The following BBS7 variants were observed in gnomAD, a reference collection of about 807,000 sequenced individuals.
The protein encoded by BBS7 is Bardet-Biedl syndrome 7, also known as BBSome complex member BBS7.
BBS7 carries 50 observed loss-of-function variants against 90.3 expected under a neutral mutation model. That is an observed-to-expected ratio of 0.55 (90% confidence interval 0.44 to 0.70). The LOEUF (loss-of-function observed/expected upper bound fraction) is 0.70. Ranked by LOEUF, BBS7 falls within the 30% of genes least tolerant of loss-of-function variation. The pLI is 0.00. For missense variants in BBS7, 729 were observed against 838.9 expected (o/e 0.87, Z 1.62); for synonymous variants, 235 against 287.4 (o/e 0.82, Z 1.85).
chr4:121,825,742 A>G lies in BBS7; in HGVS notation c.*118T>C. The G allele has an allele frequency of 1.0e-6, 1 of 989,222 alleles. No homozygotes were observed. Among genetic ancestry groups the G allele is most frequent in the Non-Finnish European group, 1.4e-6 (1 of 697,010 alleles). 61.3% of individuals were successfully genotyped at this position (989,222 alleles called of 1,614,324 possible). ...TTTAAAAAGCCATTATATCTCAAAT[A>G]TTTTTAGATATAAAAAAGCATTTGA... On this transcript the variant is annotated 3_prime_UTR_variant, in exon 19 of 19. Coordinates refer to ENST00000264499, the MANE Select transcript of BBS7 (RefSeq NM_176824.3).
intron 10 of BBS7, 84 bp from the exon 11 acceptor site, chr4:121,845,780 T>G (rs1303014564): frequency 7.5e-7 from 1 of 1,325,238 alleles, no homozygotes; most frequent in African/African-American, 1.5e-5. Flanking sequence ...TTGAGACATT[T>G]GCTTTTACAA....
At chr4:121,841,419 G>C (rs1443555966) in intron 12 of BBS7, among the ~76,000 whole-genome samples, 1 of 152,028 alleles carries the variant, frequency 6.6e-6, no homozygotes, top group Admixed American at 6.6e-5. Context: ...AAAAAAATTA[G>C]CTGGGCATCA....
intron 15 of BBS7, among the ~76,000 whole-genome samples, chr4:121,831,460 CT>C (rs1725178101): frequency 6.8e-6 from 1 of 148,018 alleles, no homozygotes; most frequent in African/African-American, 2.5e-5. Context: ...GTGAGACTCT[CT>C]TAAAAAAAAA....
intron 11 of BBS7, among the ~76,000 whole-genome samples, chr4:121,844,503 G>A (rs1396711341): frequency 5.3e-5 from 8 of 149,842 alleles, no homozygotes; most frequent in Non-Finnish European, 1.0e-4. Context: ...CCGTGAGCTA[G>A]CATTACTTAA....
intron 11 of BBS7, among the ~76,000 whole-genome samples, chr4:121,844,251 C>T (rs1296612264): frequency 3.3e-5 from 5 of 152,174 alleles, no homozygotes; most frequent in Admixed American, 1.3e-4. Context: ...TAACATCTCT[C>T]ACCACCCCCT....
chr4:121,830,262 G>A (rs962021849), intron 15 of BBS7, among the ~76,000 whole-genome samples: 4 of 152,100 alleles, frequency 2.6e-5, no homozygotes, highest in South Asian at 2.1e-4. Flanking sequence ...TTAGCCAGGC[G>A]TGGTAGCACA....
chr4:121,826,943 C>CACTG (rs1425984026), intron 18 of BBS7, among the ~76,000 whole-genome samples: 3 of 152,198 alleles, frequency 2.0e-5, no homozygotes, highest in Non-Finnish European at 1.5e-5. Flanking sequence ...GAGATCGCGC[C>CACTG]ACTGACTCCA....
chr4:121,849,792 T>C (rs951939839), intron 8 of BBS7, among the ~76,000 whole-genome samples: 4 of 152,080 alleles, frequency 2.6e-5, no homozygotes, highest in Non-Finnish European at 5.9e-5. Flanking sequence ...ATCGTCCCAC[T>C]GTACTCCAGT....
Position 121,861,567 on chromosome 4 carries a change from A to G in BBS7, c.278T>C (p.Phe93Ser), listed in dbSNP as rs1342324257. 6.2e-7 allele frequency: 1 copy of G among 1,613,676 alleles called. No individual in the cohort carries two copies. Among genetic ancestry groups the G allele is most frequent in the African/African-American group, 1.3e-5 (1 of 74,886 alleles). ...FIAAASEIRG[F>S]TKRGKQFLSF... ...GAGGAACTGTTTTCCTCTTTTTGTG[A>G]AGCCTCTAATCTCAGATGCTGCAGC... Residue 93 changes from phenylalanine (F) to serine (S), a missense_variant, in exon 4 of 19, where the codon TTC (phenylalanine) becomes TCC (serine). By Grantham distance (155) the Phe-to-Ser change is radical. Transcript: ENST00000264499.
chr4:121,863,337 T>C, intron 2 of BBS7, 58 bp from the exon 3 acceptor site: 1 of 1,381,742 alleles, frequency 7.2e-7, no homozygotes, highest in South Asian at 1.2e-5. Context: ...ACCTAATAAT[T>C]ATATACAGGG....
intron 15 of BBS7, among the ~76,000 whole-genome samples, chr4:121,829,771 A>C (rs1218416330): frequency 6.6e-6 from 1 of 152,202 alleles, no homozygotes; most frequent in Non-Finnish European, 1.5e-5. Context: ...ATAGCAGCTG[A>C]AAATATGTAA....
chr4:121,853,685 A>G (rs1389496157), intron 7 of BBS7, among the ~76,000 whole-genome samples: 2 of 152,106 alleles, frequency 1.3e-5, no homozygotes, highest in African/African-American at 4.8e-5. Context: ...CCATGCTTCC[A>G]GTTTTGACCT....
intron 15 of BBS7, among the ~76,000 whole-genome samples, chr4:121,830,721 C>T (rs941347656): frequency 2.6e-5 from 4 of 152,318 alleles, no homozygotes; most frequent in Admixed American, 2.6e-4. Context: ...AACATTAGTA[C>T]ATCTGCCTCC....
chr4:121,863,241 A>G lies in BBS7; in HGVS notation c.141T>C (p.Phe47=). The G allele has an allele frequency of 1.2e-6, 2 of 1,613,966 alleles. No homozygotes were observed. The highest frequency in any genetic ancestry group is 8.5e-7 in the Non-Finnish European group (1 of 1,179,916). The change falls in exon 3 of 19, where the codon TTT becomes TTC. Residue 47 remains phenylalanine, a synonymous_variant. Transcript: ENST00000264499. ...IGDHDGVVMC[F]GMKKGEAAAV... is the part of the protein sequence containing the mutation. ...CTGCTGCTTCTCCTTTCTTCATGCC[A>G]AAGCACATAACTACCCCATCATGAT... is the stretch of plus-strand genomic sequence containing the variant.
intron 4 of BBS7, among the ~76,000 whole-genome samples, chr4:121,860,385 A>G (rs1726909385): frequency 6.6e-6 from 1 of 152,122 alleles, no homozygotes; most frequent in Non-Finnish European, 1.5e-5. Flanking sequence ...TCTTCAAGTT[A>G]TAACTTTTGT....
At chr4:121,863,347 G>A (rs1233844600) in intron 2 of BBS7, 68 bp from the exon 3 acceptor site, 44 of 1,327,810 alleles carry the variant, frequency 3.3e-5, no homozygotes, top group East Asian at 1.6e-4. Context: ...TATATACAGG[G>A]AAAGCAAGAT....
chr4:121,836,485 TTG>T (rs1301792925), intron 13 of BBS7, among the ~76,000 whole-genome samples: 1 of 152,210 alleles, frequency 6.6e-6, no homozygotes, highest in Non-Finnish European at 1.5e-5. Flanking sequence ...TATCAGCATT[TTG>T]TGTGTTTTAT....
rs751574060 is a variant in BBS7, at chr4:121,844,005, T to A, written c.1231-4A>T. On this transcript the variant is annotated splice_region_variant and splice_polypyrimidine_tract_variant and intron_variant, in intron 11 of 18. Transcript: ENST00000264499. ...GTAAATCTATTGGAACATCACTCTA[T>A]AGTCAATATTAAAAAAAAAGAAGGT... 2.6e-6 allele frequency: 4 copies of A among 1,561,622 alleles called. No individual in the cohort carries two copies. Among genetic ancestry groups the A allele is most frequent in the Non-Finnish European group, 2.6e-6 (3 of 1,142,288 alleles).
intron 3 of BBS7, among the ~76,000 whole-genome samples, chr4:121,862,279 T>TATTC (rs1727024065): frequency 6.6e-6 from 1 of 152,174 alleles, no homozygotes; most frequent in Non-Finnish European, 1.5e-5. Context: ...CTGAAAACAA[T>TATTC]ATTCATTTCA....
Sources: allele counts gnomAD v4.1 joint callset (sites outside exome capture counted in the v4.1 genomes callset), GRCh38; gene constraint gnomAD v4.1.1; transcripts MANE v1.5; gene names NCBI Gene and HGNC (gene_info 2026-07-23, HGNC 2026-07-21).